SGCZ: variants seen among roughly 807,000 people sequenced by gnomAD.
The protein encoded by SGCZ is zeta-sarcoglycan.
A neutral mutation model predicts 41.3 loss-of-function variants in SGCZ; 40 were observed. That is an observed-to-expected ratio of 0.97 (90% confidence interval 0.75 to 1.26). SGCZ has a LOEUF of 1.26. Among genes scored for constraint, SGCZ ranks in the 50% most tolerant of loss-of-function variants. SGCZ has a pLI of 0.00. For missense variants in SGCZ, 552 were observed against 369.8 expected (o/e 1.49, Z -4.04); for synonymous variants, 206 against 137.5 (o/e 1.50, Z -3.49).
intron 1 of SGCZ, among the ~76,000 whole-genome samples, chr8:14,584,621 T>A (rs1414200598): frequency 6.6e-6 from 1 of 152,030 alleles, no homozygotes; most frequent in African/African-American, 2.4e-5. Context: ...TGTCAAAAGT[T>A]AAAATAAAAG....
chr8:14,622,154 G>A (rs1019060873), intron 1 of SGCZ, among the ~76,000 whole-genome samples: 6 of 152,136 alleles, frequency 3.9e-5, no homozygotes, highest in African/African-American at 1.4e-4. Context: ...GAGAAGCTAG[G>A]AAAGGTAACT....
chr8:15,157,551 G>C (rs1385222190), intron 1 of SGCZ, among the ~76,000 whole-genome samples: 1 of 152,104 alleles, frequency 6.6e-6, no homozygotes, highest in Admixed American at 6.5e-5. Flanking sequence ...CATGCTTTAT[G>C]CCTTCATCAC....
rs145853746 is a variant in SGCZ at position 14,732,274 on chromosome 8, G to T, written c.40-177348C>A. Among the ~76,000 whole-genome samples the T allele has an allele frequency of 8.3e-4, 126 of 152,130 alleles. 1 individual carries two copies. The East Asian group carries it at 0.022, about 27-fold the overall frequency. On this transcript the variant is annotated intron_variant, in intron 1 of 7. Coordinates refer to ENST00000382080, the MANE Select transcript of SGCZ (RefSeq NM_139167.4). ...TGCAGCTCTTATCTTATCCTTTCAA[G>T]GAATGACAGGATACCATCCACCCTG...
intron 2 of SGCZ, among the ~76,000 whole-genome samples, chr8:14,513,484 A>G (rs1802523436): frequency 6.6e-6 from 1 of 152,044 alleles, no homozygotes; most frequent in African/African-American, 2.4e-5. Context: ...GTTATTTTAG[A>G]CCAATTGATT....
At chr8:14,639,141 G>T (rs1806936006) in intron 1 of SGCZ, among the ~76,000 whole-genome samples, 1 of 149,902 alleles carries the variant, frequency 6.7e-6, no homozygotes, top group Non-Finnish European at 1.5e-5. Flanking sequence ...TGCCTCCCAG[G>T]TTCAAGTGAT....
chr8:15,016,044 A>G (rs1016737789), intron 1 of SGCZ, among the ~76,000 whole-genome samples: 4 of 152,128 alleles, frequency 2.6e-5, no homozygotes, highest in African/African-American at 9.7e-5. Flanking sequence ...TGCTAAAACT[A>G]ATTTAACTCC....
At chr8:14,279,363 A>C (rs1033114509) in intron 3 of SGCZ, among the ~76,000 whole-genome samples, 2 of 152,062 alleles carry the variant, frequency 1.3e-5, no homozygotes, top group African/African-American at 4.8e-5. Context: ...GCTATTTAAA[A>C]GCTAAAATAT....
At chr8:15,137,459 G>A (rs1185156436) in intron 1 of SGCZ, among the ~76,000 whole-genome samples, 1 of 152,164 alleles carries the variant, frequency 6.6e-6, no homozygotes, top group Non-Finnish European at 1.5e-5. Context: ...GGCATGTCGG[G>A]GACCTTCCTG....
intron 1 of SGCZ, among the ~76,000 whole-genome samples, chr8:15,082,926 A>AT (rs200407497): frequency 0.01 from 1,523 of 150,736 alleles, 25 homozygotes; most frequent in African/African-American, 0.036. Context: ...ATTTTCTAGC[A>AT]TTTTTTTTTC....
chr8:15,221,339 A>C (rs1178565429), intron 1 of SGCZ, among the ~76,000 whole-genome samples: 1 of 152,156 alleles, frequency 6.6e-6, no homozygotes, highest in Non-Finnish European at 1.5e-5. Context: ...AAGAGGGCTA[A>C]TGAGTAAGAT....
intron 4 of SGCZ, among the ~76,000 whole-genome samples, chr8:14,172,781 G>A (rs930420800): frequency 2.0e-5 from 3 of 152,116 alleles, no homozygotes; most frequent in Non-Finnish European, 4.4e-5. Context: ...GACAGAATTT[G>A]TGGGGCAATG....
intron 2 of SGCZ, among the ~76,000 whole-genome samples, chr8:14,420,021 T>C (rs1341840276): frequency 6.6e-6 from 1 of 152,116 alleles, no homozygotes; most frequent in Non-Finnish European, 1.5e-5. Flanking sequence ...TTCTTCATTT[T>C]CTGTTAACGA....
intron 1 of SGCZ, among the ~76,000 whole-genome samples, chr8:15,232,657 A>G (rs573932528): frequency 7.2e-6 from 1 of 138,928 alleles, no homozygotes; most frequent in South Asian, 2.2e-4. Flanking sequence ...GTGTATATAT[A>G]TACATATATA....
chr8:15,139,170 T>A (rs960542065), intron 1 of SGCZ, among the ~76,000 whole-genome samples: 16 of 152,322 alleles, frequency 1.1e-4, no homozygotes, highest in Non-Finnish European at 2.4e-4. Context: ...CTAAATATTA[T>A]CAGAGAATAA....
chr8:14,964,595 A>G (rs10081602), intron 1 of SGCZ, among the ~76,000 whole-genome samples: 11,262 of 152,296 alleles, frequency 0.074, 611 homozygotes, highest in African/African-American at 0.14. Context: ...AATTCAGCCA[A>G]TCCCACACGT....
At position 15,208,696 on chromosome 8, in the gene SGCZ, A is replaced by C. The variant is rs190230800; in HGVS notation, c.39+28889T>G. Among the ~76,000 whole-genome samples the C allele has an allele frequency of 9.3e-4, 141 of 152,208 alleles. 1 individual carries two copies. In the Middle Eastern group the frequency reaches 0.01, roughly 11 times the overall value. On this transcript the variant is annotated intron_variant, in intron 1 of 7. Coordinates refer to ENST00000382080, the MANE Select transcript of SGCZ (RefSeq NM_139167.4). Reference sequence around the variant, plus strand: ...GATCAAGTGACTTGCTCAAGGTCTCACATAGCTATGACAGTATTTGCTATT... The same window carrying C: ...GATCAAGTGACTTGCTCAAGGTCTCCCATAGCTATGACAGTATTTGCTATT...
At chr8:14,883,929 G>A (rs1002128822) in intron 1 of SGCZ, among the ~76,000 whole-genome samples, 6 of 152,116 alleles carry the variant, frequency 3.9e-5, no homozygotes, top group African/African-American at 1.2e-4. Flanking sequence ...TTTGAAGGCA[G>A]CTGGATAGGT....
chr8:15,137,450 G>A (rs574949456), intron 1 of SGCZ, among the ~76,000 whole-genome samples: 8 of 152,320 alleles, frequency 5.3e-5, no homozygotes, highest in African/African-American at 1.9e-4. Flanking sequence ...TGTCTCCAAG[G>A]CATGTCGGGG....
chr8:14,345,830 G>A (rs1802874591), intron 2 of SGCZ, among the ~76,000 whole-genome samples: 1 of 152,058 alleles, frequency 6.6e-6, no homozygotes, highest in Non-Finnish European at 1.5e-5. Flanking sequence ...TTCCTACTGT[G>A]TGACTTGATC....
Sources: gnomAD v4.1 joint callset for allele counts (sites outside exome capture counted in the v4.1 genomes callset) on GRCh38, gnomAD v4.1.1 for gene constraint, MANE v1.5 for transcripts, NCBI Gene and HGNC (gene_info 2026-07-23, HGNC 2026-07-21) for gene names.